The following PITX3 variants were observed in gnomAD, a reference collection of about 807,000 sequenced individuals.
PITX3 encodes the protein pituitary homeobox 3.
A neutral mutation model predicts 14.2 loss-of-function variants in PITX3; 4 were observed. The ratio of observed to expected loss-of-function variants is 0.28; its 90% CI spans 0.14 to 0.65. The LOEUF is 0.65. Among genes scored for constraint, PITX3 ranks in the 30% least tolerant of loss-of-function variants. The pLI is 0.82. For missense variants in PITX3, 358 were observed against 426.8 expected (o/e 0.84, Z 1.42); for synonymous variants, 194 against 204.5 (o/e 0.95, Z 0.44).
intron 1 of PITX3, 52 bp from the exon 2 acceptor site, chr10:102,232,144 T>C (rs555030836): frequency 3.0e-6 from 3 of 1,008,958 alleles, no homozygotes; most frequent in African/African-American, 3.1e-5. Context: ...AATCTCCGGC[T>C]TAGCTAGGTC....
chr10:102,240,287 G>T (rs970913114), intron 1 of PITX3, among the ~76,000 whole-genome samples: 2 of 152,152 alleles, frequency 1.3e-5, no homozygotes, highest in Admixed American at 6.5e-5. Flanking sequence ...CCACTAGCAG[G>T]CTCCTCATTG....
intron 1 of PITX3, among the ~76,000 whole-genome samples, chr10:102,240,384 C>T (rs2070502112): frequency 6.6e-6 from 1 of 152,252 alleles, no homozygotes; most frequent in Non-Finnish European, 1.5e-5. Flanking sequence ...TCCCAGCCCA[C>T]CTCACCCCAA....
chr10:102,232,188 T>C (rs1419988284), intron 1 of PITX3, 96 bp from the exon 2 acceptor site: 1 of 723,360 alleles, frequency 1.4e-6, no homozygotes, highest in African/African-American at 1.7e-5. Context: ...CCCTGGCGCC[T>C]TTCTCAACCC....
intron 1 of PITX3, among the ~76,000 whole-genome samples, chr10:102,236,643 C>A (rs2070402589): frequency 6.6e-6 from 1 of 152,138 alleles, no homozygotes; most frequent in African/African-American, 2.4e-5. Context: ...GTGGGGAGGC[C>A]ATGGTTTCCA....
chr10:102,237,059 A>G (rs1044827781), intron 1 of PITX3, among the ~76,000 whole-genome samples: 14 of 152,042 alleles, frequency 9.2e-5, no homozygotes, highest in Non-Finnish European at 1.5e-4. Flanking sequence ...CAGAGAAATG[A>G]CTCCACAGTC....
At chr10:102,234,915 G>C (rs1791159312) in intron 1 of PITX3, among the ~76,000 whole-genome samples, 1 of 152,158 alleles carries the variant, frequency 6.6e-6, no homozygotes, top group South Asian at 2.1e-4. Context: ...ATATGGGCGA[G>C]GAAAAGCCGA....
At chr10:102,233,145 C>T (rs1048590657) in intron 1 of PITX3, among the ~76,000 whole-genome samples, 6 of 152,052 alleles carry the variant, frequency 3.9e-5, no homozygotes, top group Non-Finnish European at 7.4e-5. Flanking sequence ...CAACTCAGAA[C>T]GCTTGTTTTC....
chr10:102,232,836 CTGTT>C (rs2070286981), intron 1 of PITX3, among the ~76,000 whole-genome samples: 1 of 152,246 alleles, frequency 6.6e-6, no homozygotes, highest in Non-Finnish European at 1.5e-5. Flanking sequence ...GACCAGATGT[CTGTT>C]ACCCATTCTC....
chr10:102,239,284 C>T (rs1164024112), intron 1 of PITX3, among the ~76,000 whole-genome samples: 1 of 152,228 alleles, frequency 6.6e-6, no homozygotes, highest in Admixed American at 6.5e-5. Flanking sequence ...CTTTTGTTTC[C>T]AATCACCTTC....
At chr10:102,235,333 A>C (rs2133807290) in intron 1 of PITX3, among the ~76,000 whole-genome samples, 1 of 152,222 alleles carries the variant, frequency 6.6e-6, no homozygotes, top group East Asian at 1.9e-4. Flanking sequence ...CTGGAGCTAG[A>C]GGATGGGGTG....
At chr10:102,237,393 AG>A (rs1232671967) in intron 1 of PITX3, among the ~76,000 whole-genome samples, 2 of 152,184 alleles carry the variant, frequency 1.3e-5, no homozygotes, top group African/African-American at 4.8e-5. Context: ...CTGGGAGGGC[AG>A]TGGTGAGCCT....
chr10:102,239,801 T>G (rs1277806570), intron 1 of PITX3, among the ~76,000 whole-genome samples: 1 of 152,188 alleles, frequency 6.6e-6, no homozygotes, highest in Non-Finnish European at 1.5e-5. Flanking sequence ...TGGTTAGAAT[T>G]GGGGTCAGGG....
chr10:102,236,773 A>G (rs1466360360), intron 1 of PITX3, among the ~76,000 whole-genome samples: 1 of 152,202 alleles, frequency 6.6e-6, no homozygotes, highest in Non-Finnish European at 1.5e-5. Flanking sequence ...ATAATGCCTG[A>G]GGCTGGAGGC....
intron 1 of PITX3, among the ~76,000 whole-genome samples, chr10:102,238,094 T>C (rs143263151): frequency 2.2e-4 from 34 of 152,224 alleles, no homozygotes; most frequent in Non-Finnish European, 3.5e-4. Flanking sequence ...AAAGGAGAGA[T>C]AGAGTTTTGA....
At chr10:102,235,062 A>G (rs191016248) in intron 1 of PITX3, among the ~76,000 whole-genome samples, 183 of 151,952 alleles carry the variant, frequency 1.2e-3, no homozygotes, top group African/African-American at 4.1e-3. Context: ...TCTCCCACAC[A>G]TGCGCTGCCA....
At chr10:102,237,474 T>C (rs1388264886) in intron 1 of PITX3, among the ~76,000 whole-genome samples, 1 of 151,962 alleles carries the variant, frequency 6.6e-6, no homozygotes, top group Non-Finnish European at 1.5e-5. Flanking sequence ...CGAGGGGGCC[T>C]CCAATGGGGG....
At position 102,230,600 on chromosome 10, in the gene PITX3, C is replaced by A. The variant is rs1211553588; in HGVS notation, c.823G>T (p.Ala275Ser). 1.2e-6 allele frequency: 2 copies of A among 1,611,142 alleles called. 1 individual carries two copies. Among genetic ancestry groups the A allele is most frequent in the South Asian group, 2.2e-5 (2 of 90,382 alleles). ...ASLRLKAKQH[A>S]SFSYPAVHGP... ...TGCACAGCGGGGTAGCTGAAGGAGGCGTGCTGTTTGGCTTTGAGCCGCAGG... is the reference window on the plus strand; with the variant it reads ...TGCACAGCGGGGTAGCTGAAGGAGGAGTGCTGTTTGGCTTTGAGCCGCAGG... Residue 275 changes from alanine (A) to serine (S), a missense_variant, in exon 4 of 4, where the codon GCC (alanine) becomes TCC (serine). By Grantham distance (99) the Ala-to-Ser change is moderately conservative (BLOSUM62 1). Transcript: ENST00000370002.
chr10:102,230,400 C>T lies in PITX3; in HGVS notation c.*114G>A. On this transcript the variant is annotated 3_prime_UTR_variant, in exon 4 of 4. Coordinates refer to ENST00000370002, the MANE Select transcript of PITX3 (RefSeq NM_005029.4). ...TCCTGAGCCGGTGCCCCCCAGCTGC[C>T]CAAACACCCCTTTCAGACCCTGGGG... The T allele has an allele frequency of 6.8e-7, 1 of 1,472,272 alleles. No homozygotes were observed. The highest frequency in any genetic ancestry group is 9.1e-7 in the Non-Finnish European group (1 of 1,099,132). The allele number at this position is 1,472,272 out of a possible 1,614,324, so 91.2% of individuals were successfully genotyped here.
chr10:102,232,059 C>G lies in PITX3; in HGVS notation c.22G>C (p.Glu8Gln), dbSNP rs1249861549. Residue 8 changes from glutamate to glutamine, a missense_variant, in exon 2 of 4, where the codon GAG becomes CAG. Transcript: ENST00000370002. ...AGGGCAGGGCTCCGGGCCTCTGCCTCGCTGAGCAGGCCGAACTCCATGGAG... is the reference window on the plus strand; with the variant it reads ...AGGGCAGGGCTCCGGGCCTCTGCCTGGCTGAGCAGGCCGAACTCCATGGAG... MEFGLLSEAEARSPALSL... is the reference protein window; with the variant it reads MEFGLLSQAEARSPALSL... The G allele has an allele frequency of 1.2e-6, 2 of 1,601,708 alleles. No homozygotes were observed. Among genetic ancestry groups the G allele is most frequent in the Admixed American group, 3.4e-5 (2 of 58,970 alleles).
Sources: gnomAD v4.1 joint callset for allele counts (sites outside exome capture counted in the v4.1 genomes callset) on GRCh38, gnomAD v4.1.1 for gene constraint, MANE v1.5 for transcripts, NCBI Gene and HGNC (gene_info 2026-07-23, HGNC 2026-07-21) for gene names.